LPL: variants seen among roughly 807,000 people sequenced by gnomAD.
LPL encodes phospholipase A1.
In LPL, 43 loss-of-function variants were observed where a neutral mutation model predicts 52.2. The observed-to-expected ratio is 0.82, with a 90% CI of 0.64 to 1.06. The LOEUF (loss-of-function observed/expected upper bound fraction) is 1.06. Ranked by LOEUF, LPL falls within the 50% of genes least tolerant of loss-of-function variation. The pLI, the probability that LPL is intolerant of heterozygous loss-of-function variation, is 0.00. For synonymous variants in LPL, 244 were observed against 215.6 expected (o/e 1.13, Z -1.15); for missense variants, 639 against 585.3 (o/e 1.09, Z -0.95).
chr8:19,948,192 T>C lies in LPL; in HGVS notation c.101T>C (p.Phe34Ser). 1 of 1,614,160 alleles carries C rather than the reference T, an allele frequency of 6.2e-7. No individual in the cohort carries two copies. The highest frequency in any genetic ancestry group is 1.1e-5 in the South Asian group (1 of 91,082). Residue 34 changes from phenylalanine (F) to serine (S), a missense_variant, in exon 2 of 10, where the codon TTT becomes TCT. Transcript: ENST00000650287. ...TTTTCCTTTCCAGAAAGAAGAGATT[T>C]TATCGACATCGAAAGTAAATTTGCC... ...GVAAADQRRD[F>S]IDIESKFALR...
rs762439543 is a variant in LPL, at chr8:19,951,965, G to A, written c.429+17G>A. 6.2e-7 allele frequency: 1 copy of A among 1,614,140 alleles called. No individual in the cohort carries two copies. The highest frequency in any genetic ancestry group is 2.2e-5 in the East Asian group (1 of 44,876). On this transcript the variant is annotated intron_variant, in intron 3 of 9. Coordinates refer to ENST00000650287, the MANE Select transcript of LPL (RefSeq NM_000237.3). ...TGGATGGAGGTAAGACTGGGAGAAG[G>A]AGACTTATGTGTCCAAAACAGTGTT...
At chr8:19,943,170 A>G (rs542624238) in intron 1 of LPL, among the ~76,000 whole-genome samples, 11 of 152,322 alleles carry the variant, frequency 7.2e-5, no homozygotes, top group South Asian at 2.1e-4. Context: ...GTCTCTTTCT[A>G]TGCAGTCAGG....
chr8:19,958,409 AG>A (rs1195632637), intron 6 of LPL, among the ~76,000 whole-genome samples: 1 of 151,974 alleles, frequency 6.6e-6, no homozygotes, highest in African/African-American at 2.4e-5. Context: ...CCATTTGCTC[AG>A]GGTTTTTGGT....
chr8:19,959,056 G>A (rs1376745274), intron 6 of LPL, among the ~76,000 whole-genome samples: 3 of 152,094 alleles, frequency 2.0e-5, no homozygotes, highest in African/African-American at 7.2e-5. Context: ...TTTCTGAAAG[G>A]GAGTAGAATT....
intron 6 of LPL, among the ~76,000 whole-genome samples, chr8:19,958,297 C>T (rs1031073696): frequency 6.6e-5 from 10 of 152,294 alleles, no homozygotes; most frequent in South Asian, 2.1e-4. Flanking sequence ...GCTGGGATTA[C>T]AGGCATGAGC....
chr8:19,945,840 A>C (rs1343529084), intron 1 of LPL, among the ~76,000 whole-genome samples: 1 of 152,248 alleles, frequency 6.6e-6, no homozygotes, highest in Non-Finnish European at 1.5e-5. Context: ...TCTGTCTGCC[A>C]GATTGTTCAC....
rs1318354842 is a variant in LPL, at chr8:19,939,661, A to G, written c.88+133A>G. ...CAGGGACTCTCCCAGCCTGGGCTCTAGCCCCGAAACGGTCCCCGGAGTGGG... is the reference window on the plus strand; with the variant it reads ...CAGGGACTCTCCCAGCCTGGGCTCTGGCCCCGAAACGGTCCCCGGAGTGGG... On this transcript the variant is annotated intron_variant, in intron 1 of 9. Transcript: ENST00000650287. The surrounding 1 kb of genome is among the most constrained non-coding windows in gnomAD (Gnocchi z 4.0). The G allele has an allele frequency of 1.3e-5, 12 of 931,796 alleles. No individual in the cohort carries two copies. The highest frequency in any genetic ancestry group is 8.0e-5 in the East Asian group (3 of 37,574). The allele number at this position is 931,796 out of a possible 1,614,324, so 57.7% of individuals were successfully genotyped here. A position where few individuals can be genotyped will look rare whatever the true frequency, so the allele number is the denominator to read the frequency against.
Position 19,961,004 on chromosome 8 carries a change from T to C in LPL, c.1243T>C (p.Phe415Leu), listed in dbSNP as rs2070033296. Reference sequence around the variant, plus strand: ...GCTCAAATGGAAGAGTGATTCATACTTTAGCTGGTCAGACTGGTGGAGCAG... The same window carrying C: ...GCTCAAATGGAAGAGTGATTCATACCTTAGCTGGTCAGACTGGTGGAGCAG... Reference protein sequence around the residue: ...LKLKWKSDSYFSWSDWWSSPG... With the variant: ...LKLKWKSDSYLSWSDWWSSPG... The change falls in exon 8 of 10, where the codon TTT (phenylalanine) becomes CTT (leucine). Residue 415 changes from phenylalanine to leucine, a missense_variant. Physicochemically the swap from Phe to Leu is conservative, Grantham distance 22 (BLOSUM62 0). Coordinates refer to ENST00000650287, the MANE Select transcript of LPL (RefSeq NM_000237.3). 1 of 1,614,042 alleles carries C rather than the reference T, an allele frequency of 6.2e-7. No individual in the cohort carries two copies. The highest frequency in any genetic ancestry group is 1.7e-5 in the Admixed American group (1 of 59,992).
At chr8:19,961,164 A>T in intron 8 of LPL, 81 bp downstream of exon 8, 1 of 1,244,554 alleles carries the variant, frequency 8.0e-7, no homozygotes, top group Non-Finnish European at 1.2e-6. Context: ...AGGGGCCTTC[A>T]CAATTCAGGG....
intron 3 of LPL, among the ~76,000 whole-genome samples, chr8:19,952,167 G>C (rs981999300): frequency 2.6e-5 from 4 of 152,130 alleles, no homozygotes; most frequent in Non-Finnish European, 5.9e-5. Context: ...TCTATCGTTT[G>C]ATATTTTCAC....
intron 7 of LPL, among the ~76,000 whole-genome samples, chr8:19,960,230 C>T (rs937287938): frequency 1.3e-5 from 2 of 152,208 alleles, no homozygotes; most frequent in Admixed American, 6.5e-5. Context: ...TCATTCACGG[C>T]TAGAACCCTC....
At chr8:19,940,359 TGAG>T (rs1449668373) in intron 1 of LPL, among the ~76,000 whole-genome samples, 3 of 152,178 alleles carry the variant, frequency 2.0e-5, no homozygotes, top group African/African-American at 4.8e-5. Flanking sequence ...TCCTGGGGGC[TGAG>T]GTCAGCTCCG....
At chr8:19,948,014 C>T (rs890974095) in intron 1 of LPL, among the ~76,000 whole-genome samples, 166 bp from the exon 2 acceptor site, 1 of 152,164 alleles carries the variant, frequency 6.6e-6, no homozygotes, top group African/African-American at 2.4e-5. Context: ...CTTTGCTCAA[C>T]GTTGGAGCAT....
chr8:19,953,772 C>T (rs2069958049), intron 4 of LPL, among the ~76,000 whole-genome samples: 1 of 152,184 alleles, frequency 6.6e-6, no homozygotes. Flanking sequence ...CCAGAGGCCA[C>T]TTCGAAAGAA....
Position 19,943,863 on chromosome 8 carries a change from T to C in LPL, c.89-4317T>C, listed in dbSNP as rs144495763. ...TCAGATGATTCATACAGGATTTATT[T>C]TTCCTATTCCATTAATAAAACAACT... is the stretch of plus-strand genomic sequence containing the variant. On this transcript the variant is annotated intron_variant, in intron 1 of 9. Coordinates refer to ENST00000650287, the MANE Select transcript of LPL (RefSeq NM_000237.3). 8.4e-3 allele frequency among the ~76,000 whole-genome samples: 1,279 copies of C among 152,256 alleles called. 15 individuals carry two copies. Among genetic ancestry groups the C allele is most frequent in the African/African-American group, 0.029 (1,206 of 41,530 alleles).
At chr8:19,955,704 CA>C in intron 5 of LPL, 136 bp from the exon 6 acceptor site, 2 of 1,156,368 alleles carry the variant, frequency 1.7e-6, no homozygotes, top group Non-Finnish European at 2.6e-6. Context: ...ATAGGGCCTA[CA>C]ATCATAAATG....
In LPL at chr8:19,944,352, C is replaced by T. The variant is rs1343211016; in HGVS notation, c.89-3828C>T. ...CACATCAGTAATTCACTTTGTTCTT[C>T]GATATCCTACAGACACTGCCTGAGT... On this transcript the variant is annotated intron_variant, in intron 1 of 9. Coordinates refer to ENST00000650287, the MANE Select transcript of LPL (RefSeq NM_000237.3). This position sits in a 1 kb window ranked among gnomAD's most constrained non-coding sequence, Gnocchi z 4.2. 6.6e-6 allele frequency among the ~76,000 whole-genome samples: 1 copy of T among 151,204 alleles called. No individual in the cohort carries two copies. The highest frequency in any genetic ancestry group is 2.4e-5 in the African/African-American group (1 of 41,102).
At chr8:19,953,628 A>G (rs573887951) in intron 4 of LPL, among the ~76,000 whole-genome samples, 22 of 152,344 alleles carry the variant, frequency 1.4e-4, no homozygotes, top group African/African-American at 3.4e-4. Context: ...CACTGGCAAT[A>G]GCACAGAAAT....
Position 19,950,869 on chromosome 8 carries a change from AGGAG to A in LPL, c.250-890_250-887del, listed in dbSNP as rs971599417. Among the ~76,000 whole-genome samples the A allele has an allele frequency of 4.1e-5, 5 of 120,852 alleles. No individual in the cohort carries two copies. The highest frequency in any genetic ancestry group is 8.9e-5 in the Non-Finnish European group (5 of 56,370). 79.3% of individuals were successfully genotyped at this position (120,852 alleles called of 152,430 possible). ...AGGAAGGAAGGGAAGGAGGAAGGGA[AGGAG>A]GGAGGGAGGAAGGAAGGAAGGAATG... On this transcript the variant is annotated intron_variant, in intron 2 of 9. Coordinates refer to ENST00000650287, the MANE Select transcript of LPL (RefSeq NM_000237.3). The surrounding 1 kb of genome is among the most constrained non-coding windows in gnomAD (Gnocchi z 4.2).
Sources: allele counts gnomAD v4.1 joint callset (sites outside exome capture counted in the v4.1 genomes callset), GRCh38; gene constraint gnomAD v4.1.1; non-coding constraint Gnocchi (gnomAD v3.1); transcripts MANE v1.5; gene names NCBI Gene and HGNC (gene_info 2026-07-23, HGNC 2026-07-21).